The following EFCC1 variants were observed in gnomAD, a reference collection of about 807,000 sequenced individuals.
The protein encoded by EFCC1 is EF-hand and coiled-coil domain-containing protein 1.
EFCC1 carries 50 observed loss-of-function variants against 52.1 expected under a neutral mutation model. That is an observed-to-expected ratio of 0.96 (90% CI 0.76 to 1.21). The LOEUF is 1.21. EFCC1 is among the 50% of genes most tolerant of loss of function. EFCC1 has a pLI of 0.00. For missense variants in EFCC1, 837 were observed against 867.3 expected (o/e 0.97, Z 0.44); for synonymous variants, 399 against 396.5 (o/e 1.01, Z -0.08).
chr3:129,015,347 C>T (rs1032515995), intron 2 of EFCC1, among the ~76,000 whole-genome samples: 8 of 152,160 alleles, frequency 5.3e-5, no homozygotes, highest in African/African-American at 7.2e-5. Context: ...CTCTTCCTAA[C>T]GTCTTTCACG....
At chr3:129,006,210 G>A (rs962826252) in intron 2 of EFCC1, among the ~76,000 whole-genome samples, 1 of 152,248 alleles carries the variant, frequency 6.6e-6, no homozygotes, top group Non-Finnish European at 1.5e-5. Context: ...ACAGTTACAC[G>A]ATGGCTGCTG....
At chr3:129,039,115 G>A (rs1399842136) in intron 7 of EFCC1, among the ~76,000 whole-genome samples, 1 of 152,168 alleles carries the variant, frequency 6.6e-6, no homozygotes, top group Non-Finnish European at 1.5e-5. Flanking sequence ...TGAGGGGATG[G>A]GTGGGCGCCA....
At position 129,003,916 on chromosome 3, in the gene EFCC1, G is replaced by T. The variant is rs752144093; in HGVS notation, c.819G>T (p.Arg273=). ...ALAAAEARAG[R]LRRGQAEVRR... ...CTGCGGCGGAGGCCCGCGCTGGGCG[G>T]CTGCGCCGTGGCCAGGCCGAGGTGC... Residue 273 remains arginine (R), a synonymous_variant, in exon 2 of 8, where the codon CGG becomes CGT. Transcript: ENST00000683648. 8 of 1,357,736 alleles carry T rather than the reference G, an allele frequency of 5.9e-6. No homozygotes were observed. The highest frequency in any genetic ancestry group is 3.4e-5 in the South Asian group (2 of 58,224). The allele number at this position is 1,357,736 out of a possible 1,614,324, so 84.1% of individuals were successfully genotyped here.
chr3:129,039,625 G>A, intron 7 of EFCC1, 87 bp from the exon 8 acceptor site: 1 of 1,509,178 alleles, frequency 6.6e-7, no homozygotes, highest in Non-Finnish European at 8.9e-7. Context: ...GGTAAGAGTG[G>A]CTGGGTCTCA....
chr3:129,030,129 G>A (rs1946241587), intron 2 of EFCC1, among the ~76,000 whole-genome samples: 1 of 152,064 alleles, frequency 6.6e-6, no homozygotes, highest in African/African-American at 2.4e-5. Context: ...TGGCTGCAGT[G>A]AGCCAAGATC....
rs754531443 is a variant in EFCC1 at position 129,038,872 on chromosome 3, G to A, written c.1635G>A (p.Thr545=). 1.2e-5 allele frequency: 20 copies of A among 1,613,842 alleles called. No homozygotes were observed. Among genetic ancestry groups the A allele is most frequent in the African/African-American group, 8.0e-5 (6 of 74,914 alleles). The change falls in exon 7 of 8, where the codon ACG becomes ACA. Residue 545 remains threonine (T), a synonymous_variant. Coordinates refer to ENST00000683648, the MANE Select transcript of EFCC1 (RefSeq NM_001377500.1). ...CCCTGGGGAAGATTTTGCTGAGCAC[G>A]CTGGACGCTTTCAGGGACCCCACCC... ...KRALGKILLS[T]LDAFRDPTHE... is the part of the protein sequence containing the mutation.
chr3:129,018,790 G>A (rs1019272816), intron 2 of EFCC1, among the ~76,000 whole-genome samples: 5 of 152,180 alleles, frequency 3.3e-5, no homozygotes, highest in South Asian at 2.1e-4. Flanking sequence ...GTGTTCTTGC[G>A]AAGTGAGTCT....
At chr3:129,004,160 C>T (rs1260906659) in intron 2 of EFCC1, 83 bp downstream of exon 2, 10 of 1,346,872 alleles carry the variant, frequency 7.4e-6, no homozygotes, top group African/African-American at 1.5e-5. Flanking sequence ...ATCCCCCTCC[C>T]ACGCGCTCTC....
chr3:129,003,114 G>C (rs1220948919), intron 1 of EFCC1, among the ~76,000 whole-genome samples: 2 of 152,220 alleles, frequency 1.3e-5, no homozygotes, highest in African/African-American at 4.8e-5. Context: ...ATATGACCCC[G>C]CCTTAGCTCA....
At chr3:129,003,739 C>G in intron 1 of EFCC1, 55 bp from the exon 2 acceptor site, 1 of 1,304,784 alleles carries the variant, frequency 7.7e-7, no homozygotes, top group South Asian at 1.8e-5. Context: ...GGGCGTTCGT[C>G]TGGTGCATCT....
intron 2 of EFCC1, among the ~76,000 whole-genome samples, chr3:129,021,875 A>G (rs1209203974): frequency 6.6e-6 from 1 of 152,172 alleles, no homozygotes; most frequent in East Asian, 1.9e-4. Flanking sequence ...CCATTAGGGC[A>G]TCACATTAAT....
At position 129,032,821 on chromosome 3, in the gene EFCC1, G is replaced by GT; in HGVS notation, c.1142dup (p.Asp382GlyfsTer15). The GT allele has an allele frequency of 6.4e-7, 1 of 1,551,038 alleles. No individual in the cohort carries two copies. The highest frequency in any genetic ancestry group is 2.4e-5 in the East Asian group (1 of 40,900). ...CCCCACATCCTGTGCTTCCCCAGCA[G>GT]TGGACGAGCAGCTGTTCCGCTCCGT... On this transcript the variant is annotated frameshift_variant, in exon 4 of 8. Coordinates refer to ENST00000683648, the MANE Select transcript of EFCC1 (RefSeq NM_001377500.1). LOFTEE classifies it high-confidence loss of function.
In EFCC1 at chr3:129,001,603, G is replaced by A; in HGVS notation, c.-26G>A. The A allele has an allele frequency of 2.2e-6, 3 of 1,355,012 alleles. No individual in the cohort carries two copies. The highest frequency in any genetic ancestry group is 2.8e-6 in the Non-Finnish European group (3 of 1,060,474). The allele number at this position is 1,355,012 out of a possible 1,614,324, so 83.9% of individuals were successfully genotyped here. A position where few individuals can be genotyped will look rare whatever the true frequency, so the allele number is the denominator to read the frequency against. On this transcript the variant is annotated 5_prime_UTR_variant, in exon 1 of 8. Coordinates refer to ENST00000683648, the MANE Select transcript of EFCC1 (RefSeq NM_001377500.1). The stretch of plus-strand genomic sequence containing the variant: ...GGGCGAAGGGACCGGAGGAGGGACC[G>A]GAGGAGCGAGGCGCGCGGCGCAGCG...
rs992756146 is a variant in EFCC1 at position 129,014,753 on chromosome 3, C to T, written c.980+10676C>T. 1.3e-5 allele frequency among the ~76,000 whole-genome samples: 2 copies of T among 152,100 alleles called. No homozygotes were observed. Among genetic ancestry groups the T allele is most frequent in the Non-Finnish European group, 2.9e-5 (2 of 68,018 alleles). ...GTGTGATCCAGGGCGGAGGTGACTC[C>T]CATAGCAAAATCACAGGGCTGGGCA... On this transcript the variant is annotated intron_variant, in intron 2 of 7. Transcript: ENST00000683648. The surrounding 1 kb of genome is among the most constrained non-coding windows in gnomAD (Gnocchi z 4.3).
rs774610017 is a variant in EFCC1, at chr3:129,038,909, G to A, written c.1663+9G>A. ...CAGGGACCCCACCCACGGTAGGAGA[G>A]CACCCTAGTCTCTCAGAGCCCACGC... On this transcript the variant is annotated intron_variant, in intron 7 of 7. Transcript: ENST00000683648. The A allele has an allele frequency of 6.2e-7, 1 of 1,613,482 alleles. No individual in the cohort carries two copies. Among genetic ancestry groups the A allele is most frequent in the South Asian group, 1.1e-5 (1 of 91,050 alleles).
chr3:129,025,314 C>T (rs994092422), intron 2 of EFCC1, among the ~76,000 whole-genome samples: 4 of 151,982 alleles, frequency 2.6e-5, no homozygotes, highest in Admixed American at 1.3e-4. Context: ...GGCAAAATGG[C>T]GAAGAGTGCC....
At chr3:129,017,021 T>C (rs1416653378) in intron 2 of EFCC1, among the ~76,000 whole-genome samples, 3 of 152,216 alleles carry the variant, frequency 2.0e-5, no homozygotes, top group Non-Finnish European at 2.9e-5. Context: ...CACTCTGTTT[T>C]CCTCAGCTTG....
chr3:129,020,393 T>C (rs974198884), intron 2 of EFCC1, among the ~76,000 whole-genome samples: 1 of 152,134 alleles, frequency 6.6e-6, no homozygotes, highest in Non-Finnish European at 1.5e-5. Flanking sequence ...TCCCAGCATT[T>C]TGGGAGGCCG....
At position 129,039,696 on chromosome 3, in the gene EFCC1, T is replaced by C. The variant is rs777864375; in HGVS notation, c.1664-16T>C. 1.5e-5 allele frequency: 23 copies of C among 1,580,320 alleles called. No individual in the cohort carries two copies. The Middle Eastern group carries it at 3.2e-3, about 220-fold the overall frequency. On this transcript the variant is annotated splice_polypyrimidine_tract_variant and intron_variant, in intron 7 of 7. Coordinates refer to ENST00000683648, the MANE Select transcript of EFCC1 (RefSeq NM_001377500.1). ...GCAGACTGATCCTGCCCTCCCTGCC[T>C]GCTGTTTCCCTCCAGAGGGAAGGCC...
Sources: gnomAD v4.1 joint callset for allele counts (sites outside exome capture counted in the v4.1 genomes callset) on GRCh38, gnomAD v4.1.1 for gene constraint, Gnocchi (gnomAD v3.1) non-coding constraint, MANE v1.5 for transcripts, NCBI Gene and HGNC (gene_info 2026-07-23, HGNC 2026-07-21) for gene names.